Variants in EFCAB5 observed in about 807,000 individuals in gnomAD.
The protein encoded by EFCAB5 is EF-hand calcium binding domain 5, also known as EF-hand calcium-binding domain-containing protein 5.
A neutral mutation model predicts 167.9 loss-of-function variants in EFCAB5; 131 were observed. The ratio of observed to expected loss-of-function variants is 0.78; its 90% confidence interval spans 0.68 to 0.90. The LOEUF (loss-of-function observed/expected upper bound fraction) is 0.90, where lower values mean the gene tolerates loss of function less well. EFCAB5 is among the 40% of genes least tolerant of loss of function. The pLI is 0.00. For synonymous variants in EFCAB5, 574 were observed against 602.8 expected, an observed-to-expected ratio of 0.95 and a Z score of 0.70; for missense variants, 1,663 against 1,745.2, an observed-to-expected ratio of 0.95 and a Z score of 0.84.
chr17:30,045,354 A>G (rs1267068922), intron 8 of EFCAB5, among the ~76,000 whole-genome samples: 1 of 151,624 alleles, frequency 6.6e-6, no homozygotes, highest in East Asian at 1.9e-4. Flanking sequence ...GTTACTCAGG[A>G]AGCTGAGGCA....
At chr17:29,989,272 C>T (rs2068358463) in intron 4 of EFCAB5, among the ~76,000 whole-genome samples, 1 of 152,190 alleles carries the variant, frequency 6.6e-6, no homozygotes, top group Non-Finnish European at 1.5e-5. Flanking sequence ...GTGATCATAA[C>T]ATTGGAATAA....
At chr17:29,991,166 C>G (rs1274543025) in intron 4 of EFCAB5, among the ~76,000 whole-genome samples, 1 of 152,176 alleles carries the variant, frequency 6.6e-6, no homozygotes, top group African/African-American at 2.4e-5. Context: ...CTTAAGAGTA[C>G]TCGGGTGTCC....
chr17:29,993,988 C>T (rs2151637811), intron 5 of EFCAB5, among the ~76,000 whole-genome samples: 1 of 151,134 alleles, frequency 6.6e-6, no homozygotes, highest in South Asian at 2.1e-4. Flanking sequence ...GCTGTGGTTC[C>T]AGCTTCTTGG....
chr17:30,000,627 CTT>C (rs1197420725), intron 7 of EFCAB5, among the ~76,000 whole-genome samples: 4 of 152,016 alleles, frequency 2.6e-5, no homozygotes, highest in African/African-American at 9.7e-5. Flanking sequence ...GTCAAGGTAA[CTT>C]TCTGTTTCTC....
chr17:30,047,194 G>T (rs2069951775), intron 8 of EFCAB5, among the ~76,000 whole-genome samples: 1 of 152,100 alleles, frequency 6.6e-6, no homozygotes, highest in East Asian at 1.9e-4. Flanking sequence ...TGAGATGCCG[G>T]AATCTTCTTG....
intron 7 of EFCAB5, among the ~76,000 whole-genome samples, chr17:30,032,599 A>C (rs1202755347): frequency 6.6e-6 from 1 of 152,168 alleles, no homozygotes; most frequent in Non-Finnish European, 1.5e-5. Context: ...GTACAAACAG[A>C]CCTTGTTAAA....
chr17:30,036,178 T>C (rs898336885), intron 8 of EFCAB5, among the ~76,000 whole-genome samples: 3 of 142,578 alleles, frequency 2.1e-5, no homozygotes, highest in African/African-American at 7.7e-5. Flanking sequence ...ATATAATATA[T>C]GTATGTATAA....
chr17:30,021,442 T>C (rs568091383), intron 7 of EFCAB5, among the ~76,000 whole-genome samples: 1 of 147,888 alleles, frequency 6.8e-6, no homozygotes, highest in African/African-American at 2.4e-5. Flanking sequence ...GTTTATTAAA[T>C]ATTTATATAT....
rs777050710 is a variant in EFCAB5, at chr17:30,082,926, C to T, written c.3462C>T (p.Tyr1154=). 9.3e-6 allele frequency: 15 copies of T among 1,613,814 alleles called. No homozygotes were observed. The highest frequency in any genetic ancestry group is 2.2e-5 in the South Asian group (2 of 91,086). ...ATGTCTTTAGCACTGCCTATCACTA[C>T]GTCCACAGCCGGGAGCACATTCTGC... ...VANVFSTAYH[Y]VHSREHILHI... The change falls in exon 18 of 23, where the codon TAC becomes TAT. Residue 1154 remains tyrosine, a synonymous_variant. Transcript: ENST00000394835.
chr17:30,047,775 T>C (rs958581511), intron 8 of EFCAB5, among the ~76,000 whole-genome samples: 2 of 152,186 alleles, frequency 1.3e-5, no homozygotes, highest in Admixed American at 1.3e-4. Context: ...AAGCACTAAC[T>C]ATAGGTCCAG....
chr17:30,094,790 G>C (rs1330490485), intron 22 of EFCAB5, among the ~76,000 whole-genome samples: 1 of 152,198 alleles, frequency 6.6e-6, no homozygotes, highest in Non-Finnish European at 1.5e-5. Context: ...ACATTGGGTA[G>C]CTTTGTTGGG....
chr17:30,093,510 T>C (rs2071239396), intron 22 of EFCAB5, among the ~76,000 whole-genome samples: 1 of 152,168 alleles, frequency 6.6e-6, no homozygotes, highest in Admixed American at 6.5e-5. Context: ...ATTGGGAAAA[T>C]GGCTCTGTAG....
At chr17:30,033,238 C>CCGGCTAA (rs2069527010) in intron 7 of EFCAB5, among the ~76,000 whole-genome samples, 1 of 152,140 alleles carries the variant, frequency 6.6e-6, no homozygotes, top group African/African-American at 2.4e-5. Context: ...GCCACCACGC[C>CCGGCTAA]CGGCTAATTT....
chr17:30,047,547 T>A (rs1038454443), intron 8 of EFCAB5, among the ~76,000 whole-genome samples: 1 of 152,180 alleles, frequency 6.6e-6, no homozygotes, highest in Admixed American at 6.5e-5. Flanking sequence ...TTAATAATAG[T>A]ATTTTGATCC....
In EFCAB5 at chr17:29,930,227, A is replaced by G. The variant is rs2067166588; in HGVS notation, c.-127+898A>G. On this transcript the variant is annotated intron_variant, in intron 1 of 3. Transcript: ENST00000448319. ...GGCGGTTCCGCAGCTGCGGGGCACA[A>G]TGAGCGCTCCCAGTGCGCAGGCGCC... The G allele has an allele frequency of 7.3e-6, 4 of 546,976 alleles. No individual in the cohort carries two copies. The South Asian group carries it at 8.9e-5, about 12-fold the overall frequency. 33.9% of individuals were successfully genotyped at this position (546,976 alleles called of 1,614,324 possible).
intron 8 of EFCAB5, among the ~76,000 whole-genome samples, chr17:30,045,851 AAAT>A (rs1404081178): frequency 6.6e-6 from 1 of 151,654 alleles, no homozygotes; most frequent in Non-Finnish European, 1.5e-5. Context: ...ATAAATAAAT[AAAT>A]AAATAAAATT....
At chr17:30,014,014 A>G (rs754099067) in intron 7 of EFCAB5, among the ~76,000 whole-genome samples, 49 of 152,230 alleles carry the variant, frequency 3.2e-4, no homozygotes, top group Non-Finnish European at 5.1e-4. Context: ...CTTTGTTCTC[A>G]TTGGTTTCAA....
chr17:29,998,732 A>G (rs913711187), intron 6 of EFCAB5, among the ~76,000 whole-genome samples: 2 of 152,174 alleles, frequency 1.3e-5, no homozygotes, highest in Admixed American at 1.3e-4. Flanking sequence ...TGATTGAAAA[A>G]TCTTTTCTAT....
At chr17:30,012,373 T>C (rs2068925932) in intron 7 of EFCAB5, among the ~76,000 whole-genome samples, 1 of 152,300 alleles carries the variant, frequency 6.6e-6, no homozygotes, top group East Asian at 1.9e-4. Context: ...GCCTTCATGT[T>C]CCATCCTGTA....
Sources: allele counts gnomAD v4.1 joint callset (sites outside exome capture counted in the v4.1 genomes callset), GRCh38; gene constraint gnomAD v4.1.1; transcripts MANE v1.5; gene names NCBI Gene and HGNC (gene_info 2026-07-23, HGNC 2026-07-21).